MRPL48: variants seen among roughly 807,000 people sequenced by gnomAD.
MRPL48 encodes the protein large ribosomal subunit protein mL48.
In MRPL48, 16 loss-of-function variants were observed where a neutral mutation model predicts 32.9. The observed-to-expected ratio is 0.49, with a 90% confidence interval of 0.33 to 0.74. MRPL48 has a LOEUF of 0.74. Ranked by LOEUF, MRPL48 falls within the 30% of genes least tolerant of loss-of-function variation. MRPL48 has a pLI of 0.02. For missense variants in MRPL48, 206 were observed against 245.3 expected (o/e 0.84, Z 1.07); for synonymous variants, 94 against 89.2 (o/e 1.05, Z -0.31).
intron 4 of MRPL48, among the ~76,000 whole-genome samples, chr11:73,829,708 T>G (rs1218089879): frequency 6.6e-6 from 1 of 152,252 alleles, no homozygotes; most frequent in Non-Finnish European, 1.5e-5. Context: ...AGAGTTCTTG[T>G]GCTTCCTCTG....
chr11:73,834,688 C>T (rs1339937246), intron 4 of MRPL48, among the ~76,000 whole-genome samples: 1 of 151,918 alleles, frequency 6.6e-6, no homozygotes, highest in African/African-American at 2.4e-5. Context: ...CGTGTGCCAC[C>T]ATGCCCAGCT....
intron 1 of MRPL48, among the ~76,000 whole-genome samples, chr11:73,800,810 C>CT (rs1223951183): frequency 0.06 from 7,952 of 132,818 alleles, 316 homozygotes; most frequent in Non-Finnish European, 0.079. Flanking sequence ...TTTTCTTTTT[C>CT]TTTTTTTTTT....
intron 1 of MRPL48, among the ~76,000 whole-genome samples, chr11:73,799,318 C>T (rs1947314586): frequency 6.6e-6 from 1 of 152,044 alleles, no homozygotes; most frequent in African/African-American, 2.4e-5. Flanking sequence ...TGCCACTTTA[C>T]CCCAGCCTGG....
intron 4 of MRPL48, among the ~76,000 whole-genome samples, chr11:73,827,332 C>T (rs1275254411): frequency 1.3e-5 from 2 of 151,966 alleles, no homozygotes; most frequent in Non-Finnish European, 2.9e-5. Flanking sequence ...TGCAGTGAGC[C>T]GAGATCACGC....
intron 4 of MRPL48, among the ~76,000 whole-genome samples, chr11:73,835,140 CTTT>C (rs35448499): frequency 1.7e-4 from 18 of 108,474 alleles, no homozygotes; most frequent in Non-Finnish European, 8.8e-5. Flanking sequence ...GCCATGTTGT[CTTT>C]TTTTTTTTTT....
intron 4 of MRPL48, among the ~76,000 whole-genome samples, chr11:73,828,285 T>A (rs926367896): frequency 6.6e-6 from 1 of 150,960 alleles, no homozygotes; most frequent in African/African-American, 2.4e-5. Context: ...AGTGCAGTGG[T>A]GCGATCTCGG....
chr11:73,807,301 G>T (rs114938272), intron 2 of MRPL48, among the ~76,000 whole-genome samples: 1 of 151,964 alleles, frequency 6.6e-6, no homozygotes, highest in Non-Finnish European at 1.5e-5. Context: ...ACATCTTCCC[G>T]AACTACTCGG....
chr11:73,857,434 C>CTTTTTTCTTCCTTTTT (rs979763705), intron 5 of MRPL48, among the ~76,000 whole-genome samples: 1 of 149,944 alleles, frequency 6.7e-6, no homozygotes, highest in African/African-American at 2.5e-5. Flanking sequence ...GCCCGACCGA[C>CTTTTTTCTTCCTTTTT]TTTTTTCTTC....
chr11:73,848,197 T>C (rs1346096578), intron 5 of MRPL48, among the ~76,000 whole-genome samples: 2 of 152,124 alleles, frequency 1.3e-5, no homozygotes, highest in East Asian at 1.9e-4. Context: ...GGCATATGAA[T>C]ATTCAGTTGT....
intron 2 of MRPL48, among the ~76,000 whole-genome samples, chr11:73,807,175 AT>A (rs1947468923): frequency 6.6e-6 from 1 of 151,868 alleles, no homozygotes; most frequent in Non-Finnish European, 1.5e-5. Flanking sequence ...CAGGCTCCCC[AT>A]TGTTTTTCTC....
At chr11:73,860,143 C>T in intron 6 of MRPL48, 134 bp downstream of exon 6, 3 of 663,864 alleles carry the variant, frequency 4.5e-6, no homozygotes, top group Non-Finnish European at 7.5e-6. Context: ...TTCTTGATGC[C>T]TCCATCTCTC....
chr11:73,847,024 A>G (rs1319911350), intron 5 of MRPL48, among the ~76,000 whole-genome samples: 1 of 149,288 alleles, frequency 6.7e-6, no homozygotes, highest in East Asian at 2.0e-4. Context: ...GCAGTGGCAC[A>G]GTCTTGGCTA....
intron 2 of MRPL48, among the ~76,000 whole-genome samples, chr11:73,806,259 AC>A (rs1947452944): frequency 6.6e-6 from 1 of 152,054 alleles, no homozygotes; most frequent in Non-Finnish European, 1.5e-5. Flanking sequence ...GGCCTATAGG[AC>A]CTTCCATAAT....
intron 3 of MRPL48, among the ~76,000 whole-genome samples, chr11:73,810,559 ATT>A (rs1046766437): frequency 2.5e-5 from 1 of 39,822 alleles, no homozygotes. Context: ...TTCTTTCTTT[ATT>A]TTTTTTTTTT....
intron 1 of MRPL48, among the ~76,000 whole-genome samples, chr11:73,792,522 A>C (rs1444038075): frequency 6.6e-6 from 1 of 152,232 alleles, no homozygotes; most frequent in African/African-American, 2.4e-5. Flanking sequence ...TTGAAGGCTA[A>C]AGTGGAACAG....
At chr11:73,834,239 TGTG>T (rs1948047598) in intron 4 of MRPL48, among the ~76,000 whole-genome samples, 2 of 152,332 alleles carry the variant, frequency 1.3e-5, no homozygotes, top group Admixed American at 6.5e-5. Flanking sequence ...CTACATGAAT[TGTG>T]GTAGTAGTTT....
At chr11:73,802,267 C>G (rs1340055445) in intron 1 of MRPL48, 1 of 152,198 alleles carries the variant, frequency 6.6e-6, no homozygotes, top group Non-Finnish European at 1.5e-5. Flanking sequence ...GTCTGTGTCT[C>G]CAGCCATCCA....
chr11:73,800,802 T>C (rs1018580779), intron 1 of MRPL48, among the ~76,000 whole-genome samples: 1 of 149,928 alleles, frequency 6.7e-6, no homozygotes, highest in Admixed American at 6.7e-5. Context: ...CAACTCTTTT[T>C]TCTTTTTCTT....
At chr11:73,790,374 CTTTTTTTTTT>C (rs759628609) in intron 1 of MRPL48, among the ~76,000 whole-genome samples, 107 of 58,016 alleles carry the variant, frequency 1.8e-3, no homozygotes, top group African/African-American at 9.5e-3. Flanking sequence ...CGCACCCGGC[CTTTTTTTTTT>C]TTTTTTTTTT....
Sources: gnomAD v4.1 joint callset for allele counts (sites outside exome capture counted in the v4.1 genomes callset) on GRCh38, gnomAD v4.1.1 for gene constraint, MANE v1.5 for transcripts, NCBI Gene and HGNC (gene_info 2026-07-23, HGNC 2026-07-21) for gene names.